Variants in PLEKHH2 observed in about 807,000 individuals in gnomAD.
PLEKHH2 encodes the protein pleckstrin homology, MyTH4 and FERM domain containing H2.
PLEKHH2 carries 129 observed loss-of-function variants against 187.9 expected under a neutral mutation model. That is an observed-to-expected ratio of 0.69 (90% CI 0.59 to 0.79). The LOEUF is 0.79. Ranked by LOEUF, PLEKHH2 falls within the 30% of genes least tolerant of loss-of-function variation. The pLI, the probability that PLEKHH2 is intolerant of heterozygous loss-of-function variation, is 0.00. For missense variants in PLEKHH2, 2,076 were observed against 1,751.2 expected (o/e 1.19, Z -3.31); for synonymous variants, 686 against 605.6 (o/e 1.13, Z -1.95).
At chr2:43,668,055 T>G (rs1426445402) in intron 2 of PLEKHH2, among the ~76,000 whole-genome samples, 1 of 152,186 alleles carries the variant, frequency 6.6e-6, no homozygotes, top group Non-Finnish European at 1.5e-5. Context: ...TTTTTTGAGA[T>G]GAAGTCCGGC....
chr2:43,717,998 A>C (rs750104882), intron 15 of PLEKHH2, among the ~76,000 whole-genome samples: 1 of 152,166 alleles, frequency 6.6e-6, no homozygotes, highest in Non-Finnish European at 1.5e-5. Context: ...GGATGGGCTT[A>C]TGGGGAAGGA....
rs71410202 is a variant in PLEKHH2 at position 43,713,660 on chromosome 2, G to GTTT, written c.2460+1289_2460+1291dup. ...ATTTTATTTATTTTTGCTTAATTCT[G>GTTT]TTTTTTTTTTTTTTACAATGAGTAA... On this transcript the variant is annotated intron_variant, in intron 15 of 29. Coordinates refer to ENST00000282406, the MANE Select transcript of PLEKHH2 (RefSeq NM_172069.4). Among the ~76,000 whole-genome samples, 362 of 134,000 alleles carry GTTT rather than the reference G, an allele frequency of 2.7e-3. 2 individuals carry two copies. The highest frequency in any genetic ancestry group is 4.3e-3 in the Non-Finnish European group (268 of 61,822). 87.9% of individuals were successfully genotyped at this position (134,000 alleles called of 152,430 possible).
At position 43,694,527 on chromosome 2, in the gene PLEKHH2, A is replaced by G. The variant is rs558446100; in HGVS notation, c.420+13A>G. ...TAAGTTAAATGAGGTATTTATTGCT[A>G]TATGTTTTCCTTTTCTTTACCTTTT... On this transcript the variant is annotated intron_variant, in intron 5 of 29. Transcript: ENST00000282406. 5.9e-6 allele frequency: 9 copies of G among 1,529,766 alleles called. No individual in the cohort carries two copies. The Admixed American group carries it at 1.0e-4, about 18-fold the overall frequency. The allele number at this position is 1,529,766 out of a possible 1,614,324, so 94.8% of individuals were successfully genotyped here.
intron 27 of PLEKHH2, among the ~76,000 whole-genome samples, chr2:43,760,352 CT>C (rs1558633655): frequency 7.1e-6 from 1 of 141,748 alleles, no homozygotes; most frequent in African/African-American, 2.7e-5. Flanking sequence ...GAAATTTACC[CT>C]TTAACCTTTT....
chr2:43,645,083 T>C (rs567436621), intron 2 of PLEKHH2, among the ~76,000 whole-genome samples: 5 of 152,134 alleles, frequency 3.3e-5, no homozygotes, highest in Admixed American at 2.0e-4. Context: ...ATTAGAGGAG[T>C]ATGACAGCTT....
intron 2 of PLEKHH2, among the ~76,000 whole-genome samples, chr2:43,677,854 A>C: frequency 7.2e-6 from 1 of 138,214 alleles, no homozygotes; most frequent in Non-Finnish European, 1.6e-5. Flanking sequence ...TCCCTCCCGG[A>C]CGGGGCGGCT....
chr2:43,704,366 A>G (rs1669542512), intron 9 of PLEKHH2, among the ~76,000 whole-genome samples: 1 of 152,174 alleles, frequency 6.6e-6, no homozygotes, highest in Non-Finnish European at 1.5e-5. Context: ...GTACAATTAA[A>G]AATGATTAAG....
At chr2:43,762,855 AT>A (rs1354010119) in intron 28 of PLEKHH2, among the ~76,000 whole-genome samples, 1 of 152,218 alleles carries the variant, frequency 6.6e-6, no homozygotes, top group Admixed American at 6.5e-5. Context: ...AAACTATGAT[AT>A]CTATATGTGT....
intron 25 of PLEKHH2, among the ~76,000 whole-genome samples, chr2:43,756,215 A>C (rs1388111289): frequency 6.6e-6 from 1 of 151,174 alleles, no homozygotes; most frequent in Non-Finnish European, 1.5e-5. Context: ...TCTAGGAACA[A>C]AGTAATGAGA....
At chr2:43,731,407 C>G in intron 18 of PLEKHH2, 83 bp from the exon 19 acceptor site, 2 of 898,410 alleles carry the variant, frequency 2.2e-6, no homozygotes, top group Non-Finnish European at 3.5e-6. Context: ...CCTGAATGAG[C>G]TAATGTCTAA....
chr2:43,681,217 A>G, intron 3 of PLEKHH2: 1 of 660,270 alleles, frequency 1.5e-6, no homozygotes, highest in South Asian at 1.9e-5. Context: ...CTGTTTCTCC[A>G]TGTATTATTA....
intron 3 of PLEKHH2, among the ~76,000 whole-genome samples, chr2:43,682,073 C>A (rs574719235): frequency 6.6e-6 from 1 of 152,240 alleles, no homozygotes; most frequent in African/African-American, 2.4e-5. Context: ...CCCCCTCACA[C>A]TGGACTATTG....
intron 3 of PLEKHH2, 93 bp downstream of exon 3, chr2:43,679,018 T>A (rs1267163404): frequency 1.8e-5 from 14 of 759,238 alleles, no homozygotes; most frequent in Non-Finnish European, 3.1e-5. Context: ...TCAGCCCACC[T>A]CTACATCTTA....
Position 43,745,976 on chromosome 2 carries a change from G to A in PLEKHH2, c.3653+13G>A. On this transcript the variant is annotated intron_variant, in intron 24 of 29. Transcript: ENST00000282406. ...CATACAAAAACAGGTGTGTAATACT[G>A]CATCCAGATGCCAAAGTATGAGTAT... The A allele has an allele frequency of 1.3e-6, 2 of 1,529,682 alleles. No homozygotes were observed. The highest frequency in any genetic ancestry group is 1.8e-6 in the Non-Finnish European group (2 of 1,113,126). 94.8% of individuals were successfully genotyped at this position (1,529,682 alleles called of 1,614,324 possible).
chr2:43,673,888 A>C lies in PLEKHH2; in HGVS notation c.124-4975A>C, dbSNP rs990109437. Among the ~76,000 whole-genome samples the C allele has an allele frequency of 2.6e-5, 4 of 152,192 alleles. No homozygotes were observed. In the East Asian group the frequency reaches 7.7e-4, roughly 29 times the overall value. ...AAGGATTACCTCCTTTTCATTAAGA[A>C]AGCAAGTAACTTTTGAGCCTGATTG... On this transcript the variant is annotated intron_variant, in intron 2 of 29. Transcript: ENST00000282406.
At chr2:43,654,780 A>C (rs1666669020) in intron 2 of PLEKHH2, among the ~76,000 whole-genome samples, 1 of 149,070 alleles carries the variant, frequency 6.7e-6, no homozygotes, top group African/African-American at 2.5e-5. Flanking sequence ...TAATCCCAGC[A>C]CTTTGGGAGG....
chr2:43,677,415 G>A (rs547215403), intron 2 of PLEKHH2, among the ~76,000 whole-genome samples: 6 of 152,106 alleles, frequency 3.9e-5, no homozygotes, highest in Admixed American at 1.3e-4. Flanking sequence ...CGAGCATGCT[G>A]CCTTCAAGCA....
chr2:43,707,614 C>T, intron 11 of PLEKHH2, 69 bp downstream of exon 11: 1 of 1,550,112 alleles, frequency 6.5e-7, no homozygotes, highest in South Asian at 1.2e-5. Context: ...AATTTTATCT[C>T]CATTACAGGA....
chr2:43,682,463 C>T (rs370178523), intron 3 of PLEKHH2, among the ~76,000 whole-genome samples: 7 of 151,946 alleles, frequency 4.6e-5, no homozygotes, highest in South Asian at 2.1e-4. Context: ...CCCACCACCA[C>T]GCCTGGCTAA....
Sources: gnomAD v4.1 joint callset for allele counts (sites outside exome capture counted in the v4.1 genomes callset) on GRCh38, gnomAD v4.1.1 for gene constraint, MANE v1.5 for transcripts, NCBI Gene and HGNC (gene_info 2026-07-23, HGNC 2026-07-21) for gene names.